EYS: variants seen among roughly 807,000 people sequenced by gnomAD.
EYS encodes EGF-like photoreceptor maintenance factor, also known as protein eyes shut homolog.
EYS carries 250 observed loss-of-function variants against 282.1 expected under a neutral mutation model. That is an observed-to-expected ratio of 0.89 (90% confidence interval 0.80 to 0.98). The LOEUF (loss-of-function observed/expected upper bound fraction) is 0.98, where lower values mean the gene tolerates loss of function less well. EYS is among the 50% of genes least tolerant of loss of function. The pLI is 0.00. For synonymous variants in EYS, 1,355 were observed against 1,282.9 expected (o/e 1.06, Z -1.20); for missense variants, 4,016 against 3,709.0 (o/e 1.08, Z -2.15).
chr6:64,745,246 T>C (rs1352289130), intron 22 of EYS, among the ~76,000 whole-genome samples: 1 of 152,198 alleles, frequency 6.6e-6, no homozygotes, highest in Non-Finnish European at 1.5e-5. Context: ...AAAATACATG[T>C]TATTAATAAG....
In EYS at chr6:65,148,033, C is replaced by T. The variant is rs185098970; in HGVS notation, c.2024-90306G>A. Among the ~76,000 whole-genome samples the T allele has an allele frequency of 1.1e-4, 16 of 152,160 alleles. 1 individual carries two copies. Among genetic ancestry groups the T allele is most frequent in the Admixed American group, 2.0e-4 (3 of 15,276 alleles). On this transcript the variant is annotated intron_variant, in intron 12 of 42. Coordinates refer to ENST00000503581, the MANE Select transcript of EYS (RefSeq NM_001142800.2). ...TTCCTCCCATGACACATGGGGATTA[C>T]GGGAACCACAATTCAAGATGAGATT... is the stretch of plus-strand genomic sequence containing the variant.
intron 15 of EYS, among the ~76,000 whole-genome samples, chr6:64,915,154 G>T (rs1244956106): frequency 1.3e-5 from 2 of 151,802 alleles, no homozygotes; most frequent in African/African-American, 2.4e-5. Context: ...CTGAAATTGA[G>T]TATCTAAAAA....
intron 8 of EYS, among the ~76,000 whole-genome samples, chr6:65,355,353 G>GTAT (rs1477405224): frequency 1.3e-5 from 2 of 151,828 alleles, no homozygotes; most frequent in African/African-American, 4.8e-5. Flanking sequence ...ACCCCCAAAA[G>GTAT]TATTGAAATA....
chr6:64,219,224 A>C (rs573444067), intron 31 of EYS, among the ~76,000 whole-genome samples: 2 of 152,178 alleles, frequency 1.3e-5, no homozygotes, highest in Middle Eastern at 3.2e-3. Context: ...GATCAAAGGG[A>C]AGGGCAGAAG....
chr6:64,061,186 C>A (rs2149851404), intron 33 of EYS, among the ~76,000 whole-genome samples: 1 of 152,190 alleles, frequency 6.6e-6, no homozygotes, highest in South Asian at 2.1e-4. Flanking sequence ...CACAGTAAAT[C>A]ACCTAGAATA....
intron 12 of EYS, among the ~76,000 whole-genome samples, chr6:65,123,072 A>G (rs749659548): frequency 6.6e-6 from 1 of 152,144 alleles, no homozygotes; most frequent in Non-Finnish European, 1.5e-5. Flanking sequence ...AGCTCATATA[A>G]ATAAAGGGAA....
intron 12 of EYS, among the ~76,000 whole-genome samples, chr6:65,252,092 C>A (rs1044214725): frequency 6.6e-6 from 1 of 151,838 alleles, no homozygotes; most frequent in Non-Finnish European, 1.5e-5. Flanking sequence ...TTGCTTCTTG[C>A]ATCAGATGGG....
At chr6:65,153,516 T>A (rs1021696806) in intron 12 of EYS, among the ~76,000 whole-genome samples, 39 of 150,008 alleles carry the variant, frequency 2.6e-4, no homozygotes. Context: ...TTTAGCTGGG[T>A]ACTTATTTTT....
intron 31 of EYS, among the ~76,000 whole-genome samples, chr6:64,112,276 C>T (rs1773227778): frequency 6.6e-6 from 1 of 151,826 alleles, no homozygotes; most frequent in Admixed American, 6.6e-5. Flanking sequence ...ATAGCTATGC[C>T]ATACCTGGAC....
At chr6:64,079,935 A>G (rs948926816) in intron 32 of EYS, among the ~76,000 whole-genome samples, 1 of 152,168 alleles carries the variant, frequency 6.6e-6, no homozygotes, top group African/African-American at 2.4e-5. Context: ...TCCATGGTTT[A>G]TATGTGCCAC....
chr6:64,451,709 G>A (rs753925855), intron 26 of EYS, among the ~76,000 whole-genome samples: 37 of 152,210 alleles, frequency 2.4e-4, no homozygotes, highest in Admixed American at 5.9e-4. Context: ...TTCAACATAC[G>A]AAAATCAATA....
intron 12 of EYS, among the ~76,000 whole-genome samples, chr6:65,179,835 G>A (rs1261139500): frequency 1.3e-5 from 2 of 151,932 alleles, no homozygotes; most frequent in Admixed American, 6.6e-5. Flanking sequence ...GAATCCAGCA[G>A]CACATCAAAA....
intron 29 of EYS, among the ~76,000 whole-genome samples, chr6:64,344,201 A>T (rs1011013337): frequency 6.6e-6 from 1 of 152,204 alleles, no homozygotes; most frequent in Non-Finnish European, 1.5e-5. Flanking sequence ...TCCCTAACTC[A>T]TTTCATGAGG....
intron 29 of EYS, among the ~76,000 whole-genome samples, chr6:64,317,414 C>T (rs1018120769): frequency 1.2e-5 from 1 of 82,690 alleles, no homozygotes; most frequent in Non-Finnish European, 2.8e-5. Flanking sequence ...ATGCAGCCAC[C>T]AAACAGATGA....
At chr6:63,877,262 G>T (rs1259090321) in intron 35 of EYS, among the ~76,000 whole-genome samples, 1 of 152,182 alleles carries the variant, frequency 6.6e-6, no homozygotes, top group Non-Finnish European at 1.5e-5. Flanking sequence ...ATTCTGGGTT[G>T]AACATTCTTT....
At chr6:65,222,280 T>C (rs1013739289) in intron 12 of EYS, among the ~76,000 whole-genome samples, 2 of 152,180 alleles carry the variant, frequency 1.3e-5, no homozygotes, top group Non-Finnish European at 2.9e-5. Flanking sequence ...CCTTGAAATG[T>C]AATAATCCCC....
At chr6:63,743,272 C>T (rs1284120786) in intron 41 of EYS, among the ~76,000 whole-genome samples, 1 of 152,184 alleles carries the variant, frequency 6.6e-6, no homozygotes, top group Non-Finnish European at 1.5e-5. Context: ...AACTTTTAGA[C>T]AACAGGAAAA....
At chr6:65,123,754 CCACCCACACA>C (rs1775636734) in intron 12 of EYS, among the ~76,000 whole-genome samples, 1 of 86,906 alleles carries the variant, frequency 1.2e-5, no homozygotes, top group African/African-American at 5.6e-5. Context: ...TAACACCCAC[CCACCCACACA>C]CACACACACA....
chr6:63,840,468 T>C (rs1367066108), intron 36 of EYS, among the ~76,000 whole-genome samples: 2 of 152,126 alleles, frequency 1.3e-5, no homozygotes, highest in Non-Finnish European at 2.9e-5. Context: ...GCAAATATTT[T>C]CTTTCATTCT....
Sources: allele counts gnomAD v4.1 joint callset (sites outside exome capture counted in the v4.1 genomes callset), GRCh38; gene constraint gnomAD v4.1.1; transcripts MANE v1.5; gene names NCBI Gene and HGNC (gene_info 2026-07-23, HGNC 2026-07-21).